SAFB2: variants seen among roughly 807,000 people sequenced by gnomAD.
SAFB2 encodes scaffold attachment factor B2.
In SAFB2, 32 loss-of-function variants were observed where a neutral mutation model predicts 100.6. That is an observed-to-expected ratio of 0.32 (90% CI 0.24 to 0.43). SAFB2 has a LOEUF of 0.43. Ranked by LOEUF, SAFB2 falls within the 20% of genes least tolerant of loss-of-function variation. The probability of loss-of-function intolerance (pLI) is 1.00; values close to 1 mark genes in which losing one functional copy is unlikely to be tolerated. For synonymous variants in SAFB2, 500 were observed against 439.4 expected (o/e 1.14, Z -1.72); for missense variants, 1,185 against 1,163.4 (o/e 1.02, Z -0.27).
chr19:5,615,686 A>G (rs1298501197), intron 4 of SAFB2, among the ~76,000 whole-genome samples: 1 of 152,224 alleles, frequency 6.6e-6, no homozygotes, highest in Non-Finnish European at 1.5e-5. Flanking sequence ...TGCACAACAG[A>G]GCAAGACCCT....
chr19:5,587,610 C>T lies in SAFB2; in HGVS notation c.2705+91G>A, dbSNP rs2052285042. 2.1e-5 allele frequency: 31 copies of T among 1,468,284 alleles called. 1 individual carries two copies. Among genetic ancestry groups the T allele is most frequent in the Middle Eastern group, 3.6e-4 (2 of 5,572 alleles). The allele number at this position is 1,468,284 out of a possible 1,614,324, so 91.0% of individuals were successfully genotyped here. A position where few individuals can be genotyped will look rare whatever the true frequency, so the allele number is the denominator to read the frequency against. On this transcript the variant is annotated intron_variant, in intron 20 of 20. Coordinates refer to ENST00000252542, the MANE Select transcript of SAFB2 (RefSeq NM_014649.3). The surrounding 1 kb of genome is among the most constrained non-coding windows in gnomAD (Gnocchi z 4.9). The stretch of plus-strand genomic sequence containing the variant: ...GCTTTTTGCTTTGTTTTCATAACAT[C>T]CAACCCAGCCAGCTGATCAAACATG...
chr19:5,620,607 A>G (rs898119556), intron 2 of SAFB2, among the ~76,000 whole-genome samples: 6 of 152,248 alleles, frequency 3.9e-5, no homozygotes, highest in Non-Finnish European at 8.8e-5. Context: ...TCTACATGAA[A>G]TGTCCACAAT....
chr19:5,611,902 T>TC (rs2052916393), intron 6 of SAFB2: 1 of 570,124 alleles, frequency 1.8e-6, no homozygotes, highest in African/African-American at 1.9e-5. Context: ...ATAGTCTTCT[T>TC]CGAGTTTTTG....
intron 7 of SAFB2, 38 bp from the exon 8 acceptor site, chr19:5,610,726 A>C (rs1235916777): frequency 1.5e-6 from 2 of 1,349,566 alleles, no homozygotes; most frequent in Non-Finnish European, 2.1e-6. Flanking sequence ...ACAGGAAAAA[A>C]ACGAAAGAGA....
At position 5,595,414 on chromosome 19, in the gene SAFB2, C is replaced by G; in HGVS notation, c.1866G>C (p.Glu622Asp). Residue 622 changes from glutamate to aspartate, a missense_variant, in exon 14 of 21, where the codon GAG becomes GAC. Glu to Asp is a conservative substitution (Grantham distance 45). This residue lies in a region of SAFB2 where 740 missense variants were observed against 687.1 expected (regional missense o/e 1.08). Transcript: ENST00000252542. ...LSFDKIKEQRERERQRQRERE... is the reference protein window; with the variant it reads ...LSFDKIKEQRDRERQRQRERE... ...GTTCCCGCTGCCTCTGGCGCTCTCT[C>G]TCCCTTTGTTCTTTGATTTTATCAA... 1 of 1,613,566 alleles carries G rather than the reference C, an allele frequency of 6.2e-7. No individual in the cohort carries two copies. Among genetic ancestry groups the G allele is most frequent in the Non-Finnish European group, 8.5e-7 (1 of 1,179,948 alleles).
chr19:5,594,265 A>G (rs2145321490), intron 14 of SAFB2, 87 bp from the exon 15 acceptor site: 2 of 1,418,998 alleles, frequency 1.4e-6, no homozygotes, highest in East Asian at 2.5e-5. Context: ...GTGTATTGGA[A>G]GCAGAAAAAA....
intron 8 of SAFB2, 76 bp downstream of exon 8, chr19:5,610,563 G>A (rs778994606): frequency 2.9e-6 from 3 of 1,026,188 alleles, no homozygotes; most frequent in Non-Finnish European, 4.4e-6. Flanking sequence ...AATCCAAAGT[G>A]TGTATATCTC....
chr19:5,618,815 G>A (rs926629514), intron 2 of SAFB2, among the ~76,000 whole-genome samples: 1 of 152,212 alleles, frequency 6.6e-6, no homozygotes, highest in African/African-American at 2.4e-5. Flanking sequence ...ATTGGCCAAC[G>A]AAAAGCTGCC....
intron 13 of SAFB2, among the ~76,000 whole-genome samples, chr19:5,597,732 G>A (rs933034094): frequency 6.6e-6 from 1 of 152,140 alleles, no homozygotes; most frequent in Admixed American, 6.5e-5. Flanking sequence ...AAGAGTATGG[G>A]TCTTTTTCAA....
chr19:5,602,678 A>T (rs1014256057), intron 11 of SAFB2, among the ~76,000 whole-genome samples: 4 of 151,964 alleles, frequency 2.6e-5, no homozygotes, highest in Non-Finnish European at 4.4e-5. Context: ...AGGACCAAGG[A>T]AACTGCTGCA....
At chr19:5,601,153 A>AT (rs1328752281) in intron 11 of SAFB2, among the ~76,000 whole-genome samples, 21 of 152,246 alleles carry the variant, frequency 1.4e-4, no homozygotes, top group East Asian at 1.4e-3. Flanking sequence ...TCTTTAAAAA[A>AT]AATATATATA....
In SAFB2 at chr19:5,596,901, T is replaced by C. The variant is rs541317932; in HGVS notation, c.1783-1404A>G. On this transcript the variant is annotated intron_variant, in intron 13 of 20. Coordinates refer to ENST00000252542, the MANE Select transcript of SAFB2 (RefSeq NM_014649.3). ...CCCATAGGAGAGAAAGAGCGAGCAATGAAAAACAAACCAACCCAACAGAAA... is the reference window on the plus strand; with the variant it reads ...CCCATAGGAGAGAAAGAGCGAGCAACGAAAAACAAACCAACCCAACAGAAA... Among the ~76,000 whole-genome samples, 3 of 151,996 alleles carry C rather than the reference T, an allele frequency of 2.0e-5. No homozygotes were observed. The East Asian group carries it at 5.8e-4, about 29-fold the overall frequency.
chr19:5,602,340 C>A (rs1427624137), intron 11 of SAFB2, among the ~76,000 whole-genome samples: 1 of 151,722 alleles, frequency 6.6e-6, no homozygotes, highest in South Asian at 2.1e-4. Flanking sequence ...ATTAGCCGGG[C>A]GTGGTGGTAG....
intron 14 of SAFB2, 81 bp downstream of exon 14, chr19:5,595,280 C>A: frequency 6.5e-7 from 1 of 1,532,320 alleles, no homozygotes; most frequent in Non-Finnish European, 8.8e-7. Context: ...ACACAGACTG[C>A]GCACTCCAAG....
At chr19:5,602,605 C>T (rs957430265) in intron 11 of SAFB2, among the ~76,000 whole-genome samples, 2 of 151,952 alleles carry the variant, frequency 1.3e-5, no homozygotes, top group African/African-American at 4.8e-5. Flanking sequence ...AGGCAGGGCG[C>T]GCTCCCCTCT....
rs554436860 is a variant in SAFB2 at position 5,594,217 on chromosome 19, G to A, written c.1920-39C>T. On this transcript the variant is annotated intron_variant, in intron 14 of 20. Coordinates refer to ENST00000252542, the MANE Select transcript of SAFB2 (RefSeq NM_014649.3). ...TGAGGCTGCCCTGAACTCCCTGCGT[G>A]AGCCTCCAAGGAGAAAGCCCGGTGC... The A allele has an allele frequency of 5.3e-6, 8 of 1,523,796 alleles. No individual in the cohort carries two copies. In the African/African-American group the frequency reaches 7.0e-5, roughly 13 times the overall value. 94.4% of individuals were successfully genotyped at this position (1,523,796 alleles called of 1,614,324 possible). A position where few individuals can be genotyped will look rare whatever the true frequency, so the allele number is the denominator to read the frequency against.
chr19:5,599,285 C>A (rs1346574492), intron 12 of SAFB2, among the ~76,000 whole-genome samples: 1 of 152,174 alleles, frequency 6.6e-6, no homozygotes, highest in African/African-American at 2.4e-5. Flanking sequence ...ATCACACTGC[C>A]ACTCTGAGGG....
chr19:5,604,950 G>A lies in SAFB2; in HGVS notation c.1297-14C>T. Reference sequence around the variant, plus strand: ...GGCCCCGACAACCTTCATGAAAAAGGGCACTCTTACTCTCTCATACAAATG... The same window carrying A: ...GGCCCCGACAACCTTCATGAAAAAGAGCACTCTTACTCTCTCATACAAATG... On this transcript the variant is annotated splice_polypyrimidine_tract_variant and intron_variant, in intron 9 of 20. Transcript: ENST00000252542. The A allele has an allele frequency of 6.2e-7, 1 of 1,610,712 alleles. No homozygotes were observed. The highest frequency in any genetic ancestry group is 8.5e-7 in the Non-Finnish European group (1 of 1,179,818).
chr19:5,593,024 T>G, intron 15 of SAFB2, 137 bp from the exon 16 acceptor site: 1 of 752,618 alleles, frequency 1.3e-6, no homozygotes, highest in Non-Finnish European at 2.2e-6. Flanking sequence ...GGCTAATCTC[T>G]AAACATTCGA....
Sources: gnomAD v4.1 joint callset for allele counts (sites outside exome capture counted in the v4.1 genomes callset) on GRCh38, gnomAD v4.1.1 for gene constraint, gnomAD v4.1.1 regional missense constraint, Gnocchi (gnomAD v3.1) non-coding constraint, MANE v1.5 for transcripts, NCBI Gene and HGNC (gene_info 2026-07-23, HGNC 2026-07-21) for gene names.